The following RPTOR variants were observed in gnomAD, a reference collection of about 807,000 sequenced individuals.
The protein encoded by RPTOR is regulatory associated protein of MTOR complex 1.
A neutral mutation model predicts 169.9 loss-of-function variants in RPTOR; 21 were observed. That is an observed-to-expected ratio of 0.12 (90% CI 0.09 to 0.18). The LOEUF is 0.18. Ranked by LOEUF, RPTOR falls within the 10% of genes least tolerant of loss-of-function variation. The pLI is 1.00. For synonymous variants in RPTOR, 732 were observed against 753.2 expected (o/e 0.97, Z 0.46); for missense variants, 1,133 against 1,855.9 (o/e 0.61, Z 7.16).
chr17:80,576,001 T>C (rs150208213), intron 1 of RPTOR, among the ~76,000 whole-genome samples: 1,559 of 152,366 alleles, frequency 0.01, 15 homozygotes, highest in Non-Finnish European at 0.016. Flanking sequence ...TGCCTTACAG[T>C]CTGTTTTGTC....
chr17:80,668,042 G>GA (rs2065793825), intron 3 of RPTOR, among the ~76,000 whole-genome samples: 1 of 152,202 alleles, frequency 6.6e-6, no homozygotes, highest in African/African-American at 2.4e-5. Flanking sequence ...CTGCACAGAG[G>GA]AAACGTCTGG....
intron 7 of RPTOR, chr17:80,801,838 G>A (rs1440347519): frequency 2.6e-5 from 4 of 152,170 alleles, no homozygotes; most frequent in Non-Finnish European, 4.4e-5. Flanking sequence ...GCGGAAACGG[G>A]GGACCGCCGC....
At chr17:80,569,038 C>G (rs573638092) in intron 1 of RPTOR, among the ~76,000 whole-genome samples, 4 of 152,226 alleles carry the variant, frequency 2.6e-5, no homozygotes. Flanking sequence ...TTAAAAGTTC[C>G]ATTTGGATTT....
At chr17:80,643,233 A>G (rs959388439) in intron 2 of RPTOR, among the ~76,000 whole-genome samples, 1 of 151,666 alleles carries the variant, frequency 6.6e-6, no homozygotes, top group Non-Finnish European at 1.5e-5. Flanking sequence ...AATCCTGGAC[A>G]TGAATGTACA....
At chr17:80,961,635 C>T in intron 31 of RPTOR, 155 bp downstream of exon 31, 1 of 888,554 alleles carries the variant, frequency 1.1e-6, no homozygotes, top group Non-Finnish European at 1.7e-6. Context: ...AGATCAGGCG[C>T]AGCCCGTAGG....
chr17:80,869,769 A>G (rs997378591), intron 13 of RPTOR, among the ~76,000 whole-genome samples: 1 of 152,214 alleles, frequency 6.6e-6, no homozygotes, highest in African/African-American at 2.4e-5. Context: ...ATTTCTGGGC[A>G]AAGCGTCATG....
rs963448063 is a variant in RPTOR at position 80,725,628 on chromosome 17, A to T, written c.508-4932A>T. 3.9e-5 allele frequency among the ~76,000 whole-genome samples: 6 copies of T among 152,174 alleles called. No individual in the cohort carries two copies. The East Asian group carries it at 7.7e-4, about 20-fold the overall frequency. ...CTGTGGGCGTTGTTTCTGCCCCTGC[A>T]GCCGGGGCTGTGAGGCTGCAGGCTG... On this transcript the variant is annotated intron_variant, in intron 4 of 33. Coordinates refer to ENST00000306801, the MANE Select transcript of RPTOR (RefSeq NM_020761.3).
chr17:80,588,721 G>A (rs1216197498), intron 1 of RPTOR, among the ~76,000 whole-genome samples: 1 of 152,140 alleles, frequency 6.6e-6, no homozygotes, highest in Non-Finnish European at 1.5e-5. Context: ...TGATGTACCT[G>A]TTGAGGATTT....
chr17:80,571,021 G>C (rs1446258577), intron 1 of RPTOR, among the ~76,000 whole-genome samples: 1 of 152,136 alleles, frequency 6.6e-6, no homozygotes, highest in East Asian at 1.9e-4. Context: ...ATTTCACTTG[G>C]GCTTTATAAC....
At chr17:80,728,446 G>GGTGTGTGTGTGTGTGTGTGTGTGT (rs71367012) in intron 4 of RPTOR, among the ~76,000 whole-genome samples, 2,623 of 148,176 alleles carry the variant, frequency 0.018, 32 homozygotes, top group Non-Finnish European at 0.027. Context: ...TCCACTCTGG[G>GGTGTGTGTGTGTGTGTGTGTGTGT]GTGTGTGTGT....
At chr17:80,791,935 T>C (rs546185858) in intron 7 of RPTOR, among the ~76,000 whole-genome samples, 3 of 152,234 alleles carry the variant, frequency 2.0e-5, no homozygotes, top group Admixed American at 6.5e-5. Context: ...CAGTTTCCAT[T>C]TTACTATCTC....
chr17:80,675,611 C>T (rs376266956), intron 3 of RPTOR, among the ~76,000 whole-genome samples: 2 of 152,196 alleles, frequency 1.3e-5, no homozygotes, highest in Non-Finnish European at 2.9e-5. Context: ...CCCCTCAGGC[C>T]GCCCATGACT....
intron 13 of RPTOR, among the ~76,000 whole-genome samples, chr17:80,863,644 G>C (rs570471873): frequency 6.6e-6 from 1 of 152,208 alleles, no homozygotes; most frequent in South Asian, 2.1e-4. Flanking sequence ...GGTTAGGCAC[G>C]GGGCTCACGT....
intron 9 of RPTOR, among the ~76,000 whole-genome samples, chr17:80,829,674 C>T (rs72856010): frequency 2.3e-3 from 354 of 152,292 alleles, no homozygotes; most frequent in Admixed American, 4.1e-3. Flanking sequence ...ATGGAGAGGG[C>T]GGCGTCCACG....
chr17:80,916,899 A>T (rs184720700), intron 21 of RPTOR, among the ~76,000 whole-genome samples: 28 of 152,194 alleles, frequency 1.8e-4, no homozygotes, highest in Non-Finnish European at 3.4e-4. Context: ...GAGGCACAAG[A>T]ATTGCTCGAA....
intron 6 of RPTOR, among the ~76,000 whole-genome samples, chr17:80,787,196 A>C (rs989003469): frequency 3.9e-5 from 6 of 152,166 alleles, no homozygotes; most frequent in African/African-American, 4.8e-5. Context: ...TTTTAAATTT[A>C]TTAAAGGCTT....
intron 1 of RPTOR, among the ~76,000 whole-genome samples, chr17:80,618,485 G>A (rs1032918361): frequency 1.3e-5 from 2 of 152,228 alleles, no homozygotes; most frequent in African/African-American, 4.8e-5. Context: ...TTTGCGTGGT[G>A]CAGGAAGGGG....
At chr17:80,596,124 G>A (rs970651826) in intron 1 of RPTOR, among the ~76,000 whole-genome samples, 2 of 152,146 alleles carry the variant, frequency 1.3e-5, no homozygotes, top group Non-Finnish European at 2.9e-5. Context: ...AATTAACTTG[G>A]CAGCTATTTT....
chr17:80,567,292 ATT>A (rs954598679), intron 1 of RPTOR, among the ~76,000 whole-genome samples: 1 of 143,656 alleles, frequency 7.0e-6, no homozygotes, highest in Non-Finnish European at 1.5e-5. Flanking sequence ...GTTTTATTTT[ATT>A]TTTTTTTTTG....
Sources: gnomAD v4.1 joint callset for allele counts (sites outside exome capture counted in the v4.1 genomes callset) on GRCh38, gnomAD v4.1.1 for gene constraint, MANE v1.5 for transcripts, NCBI Gene and HGNC (gene_info 2026-07-23, HGNC 2026-07-21) for gene names.